The following TOPAZ1 variants were observed in gnomAD, a reference collection of about 807,000 sequenced individuals.
TOPAZ1 encodes the protein testis and ovary specific TOPAZ 1.
Under a neutral mutation model 172.2 loss-of-function variants are expected in TOPAZ1, and 66 were observed. The ratio of observed to expected loss-of-function variants is 0.38; its 90% CI spans 0.31 to 0.47. The LOEUF (loss-of-function observed/expected upper bound fraction) is 0.47. Among genes scored for constraint, TOPAZ1 ranks in the 20% least tolerant of loss-of-function variants. The pLI is 0.99. For missense variants in TOPAZ1, 1,822 were observed against 1,972.4 expected (o/e 0.92, Z 1.44); for synonymous variants, 681 against 683.9 (o/e 1.00, Z 0.07).
At chr3:44,266,584 A>T (rs2125684848) in intron 5 of TOPAZ1, among the ~76,000 whole-genome samples, 1 of 152,276 alleles carries the variant, frequency 6.6e-6, no homozygotes, top group East Asian at 1.9e-4. Context: ...AAGCCTAAGG[A>T]GAGGGAGAGA....
chr3:44,287,614 A>G (rs533586252), intron 10 of TOPAZ1, 74 bp downstream of exon 10: 17 of 1,185,266 alleles, frequency 1.4e-5, no homozygotes, highest in Non-Finnish European at 1.8e-5. Flanking sequence ...GTTTGAACTT[A>G]GCAGTTGAAT....
At chr3:44,257,383 G>GTGTGTT (rs1559527715) in intron 4 of TOPAZ1, among the ~76,000 whole-genome samples, 8 of 136,728 alleles carry the variant, frequency 5.9e-5, no homozygotes, top group African/African-American at 2.0e-4. Context: ...GTGTGTGTGT[G>GTGTGTT]TGTGTGTGTG....
chr3:44,311,168 T>C (rs187932164), intron 16 of TOPAZ1, among the ~76,000 whole-genome samples: 36 of 152,280 alleles, frequency 2.4e-4, no homozygotes, highest in African/African-American at 8.2e-4. Context: ...ATGGGAAATA[T>C]ATGTATATAA....
rs1437906723 is a variant in TOPAZ1, at chr3:44,266,960, CA to C, written c.3021-36del. ...AGCATTACTTTAATGTTTAAAAATA[CA>C]TTTAAATTCTGATGTTAATTTTTCC... On this transcript the variant is annotated intron_variant, in intron 5 of 19. Coordinates refer to ENST00000309765, the MANE Select transcript of TOPAZ1 (RefSeq NM_001145030.2). 7 of 1,419,742 alleles carry C rather than the reference CA, an allele frequency of 4.9e-6. No homozygotes were observed. The African/African-American group carries it at 8.7e-5, about 18-fold the overall frequency. The allele number at this position is 1,419,742 out of a possible 1,614,324, so 87.9% of individuals were successfully genotyped here.
intron 2 of TOPAZ1, among the ~76,000 whole-genome samples, chr3:44,248,594 A>G (rs1387851568): frequency 1.3e-5 from 2 of 152,230 alleles, no homozygotes; most frequent in Non-Finnish European, 2.9e-5. Flanking sequence ...AGTTGCACAG[A>G]AACTTGTTAA....
At chr3:44,271,737 A>G (rs1172902228) in intron 8 of TOPAZ1, among the ~76,000 whole-genome samples, 1 of 152,204 alleles carries the variant, frequency 6.6e-6, no homozygotes, top group Non-Finnish European at 1.5e-5. Flanking sequence ...CACCTAAGAT[A>G]CTATCTTTTT....
chr3:44,276,896 C>T (rs2372597), intron 8 of TOPAZ1, among the ~76,000 whole-genome samples: 125,663 of 151,718 alleles, frequency 0.83, 52,085 homozygotes, highest in Middle Eastern at 0.9. Flanking sequence ...GTTCAAGCTA[C>T]TCTCCTGCCT....
In TOPAZ1 at chr3:44,254,953, T is replaced by C. The variant is rs1699679363; in HGVS notation, c.2766-15T>C. 7.8e-6 allele frequency: 12 copies of C among 1,542,692 alleles called. No individual in the cohort carries two copies. The highest frequency in any genetic ancestry group is 1.4e-5 in the African/African-American group (1 of 72,846). Reference sequence around the variant, plus strand: ...AATCTATTATAATGTTTAAGCTCTGTTTGCTTTATAATAGAGAACTTCCTG... The same window carrying C: ...AATCTATTATAATGTTTAAGCTCTGCTTGCTTTATAATAGAGAACTTCCTG... On this transcript the variant is annotated splice_polypyrimidine_tract_variant and intron_variant, in intron 2 of 19. Transcript: ENST00000309765.
At chr3:44,269,914 G>C (rs774141794) in intron 7 of TOPAZ1, among the ~76,000 whole-genome samples, 2 of 152,156 alleles carry the variant, frequency 1.3e-5, no homozygotes, top group African/African-American at 2.4e-5. Context: ...GTGAGCCACT[G>C]TGCCCAGCCT....
Position 44,282,040 on chromosome 3 carries a change from C to A in TOPAZ1, c.3436+9C>A. ...TTTGCTACAGCGTGCAGGTATGAAACAATTAAATAATTAGTATGAAGCTAT... is the reference window on the plus strand; with the variant it reads ...TTTGCTACAGCGTGCAGGTATGAAAAAATTAAATAATTAGTATGAAGCTAT... On this transcript the variant is annotated intron_variant, in intron 9 of 19. Coordinates refer to ENST00000309765, the MANE Select transcript of TOPAZ1 (RefSeq NM_001145030.2). 1 of 1,484,980 alleles carries A rather than the reference C, an allele frequency of 6.7e-7. No homozygotes were observed. Among genetic ancestry groups the A allele is most frequent in the Non-Finnish European group, 9.1e-7 (1 of 1,093,956 alleles). The allele number at this position is 1,484,980 out of a possible 1,614,324, so 92.0% of individuals were successfully genotyped here.
chr3:44,318,304 T>C (rs959143071), intron 16 of TOPAZ1, among the ~76,000 whole-genome samples: 1 of 152,056 alleles, frequency 6.6e-6, no homozygotes, highest in African/African-American at 2.4e-5. Flanking sequence ...ATACAAAAAT[T>C]AGCTGGGCGT....
At chr3:44,306,140 A>G (rs991508430) in intron 14 of TOPAZ1, among the ~76,000 whole-genome samples, 186 bp from the exon 15 acceptor site, 1 of 152,086 alleles carries the variant, frequency 6.6e-6, no homozygotes, top group Admixed American at 6.5e-5. Context: ...ACATAGTTTT[A>G]TTTTCTTTTT....
downstream of TOPAZ1, among the ~76,000 whole-genome samples, chr3:44,335,767 T>G (rs1351179332): frequency 6.6e-6 from 1 of 152,206 alleles, no homozygotes. Context: ...GATTAAAGCC[T>G]ATTTTAAAGT....
rs555339289 is a variant in TOPAZ1, at chr3:44,242,127, G to T, written c.74G>T (p.Arg25Leu). Residue 25 changes from arginine to leucine, a missense_variant, in exon 1 of 20, where the codon CGG (arginine) becomes CTG (leucine). By Grantham distance (102) the Arg-to-Leu change is moderately radical. Coordinates refer to ENST00000309765, the MANE Select transcript of TOPAZ1 (RefSeq NM_001145030.2). ...PEGNVRNLQKRQAPGPGAAGG... is the reference protein window; with the variant it reads ...PEGNVRNLQKLQAPGPGAAGG... ...GGCAATGTGCGAAACCTGCAGAAGCGGCAGGCGCCAGGGCCAGGCGCGGCG... is the reference window on the plus strand; with the variant it reads ...GGCAATGTGCGAAACCTGCAGAAGCTGCAGGCGCCAGGGCCAGGCGCGGCG... The T allele has an allele frequency of 1.9e-6, 3 of 1,548,978 alleles. No homozygotes were observed. Among genetic ancestry groups the T allele is most frequent in the African/African-American group, 1.4e-5 (1 of 73,118 alleles).
chr3:44,270,155 T>A (rs937287512), intron 7 of TOPAZ1, among the ~76,000 whole-genome samples: 2 of 152,232 alleles, frequency 1.3e-5, no homozygotes, highest in South Asian at 4.1e-4. Flanking sequence ...TGTAAAAAGC[T>A]TTAACTCTGT....
At chr3:44,260,395 A>T (rs542750996) in intron 4 of TOPAZ1, among the ~76,000 whole-genome samples, 1 of 152,088 alleles carries the variant, frequency 6.6e-6, no homozygotes, top group Non-Finnish European at 1.5e-5. Context: ...ATCTTGTAAA[A>T]GCCTTTTATT....
At chr3:44,313,158 C>T (rs527687280) in intron 16 of TOPAZ1, among the ~76,000 whole-genome samples, 139 of 152,020 alleles carry the variant, frequency 9.1e-4, no homozygotes, top group African/African-American at 3.0e-3. Flanking sequence ...CAGTTGTAAA[C>T]GATAATTCCT....
chr3:44,263,231 T>C (rs1183490754), intron 5 of TOPAZ1, among the ~76,000 whole-genome samples: 1 of 152,148 alleles, frequency 6.6e-6, no homozygotes, highest in Admixed American at 6.5e-5. Context: ...GTTTGGTTCA[T>C]GACCATTTGG....
chr3:44,280,124 G>A (rs182710138), intron 8 of TOPAZ1, among the ~76,000 whole-genome samples: 4 of 152,124 alleles, frequency 2.6e-5, no homozygotes, highest in Admixed American at 1.3e-4. Flanking sequence ...TATTTATGAA[G>A]GCAAACTTTG....
Sources: gnomAD v4.1 joint callset for allele counts (sites outside exome capture counted in the v4.1 genomes callset) on GRCh38, gnomAD v4.1.1 for gene constraint, MANE v1.5 for transcripts, NCBI Gene and HGNC (gene_info 2026-07-23, HGNC 2026-07-21) for gene names.